The following TOX2 variants were observed in gnomAD, a reference collection of about 807,000 sequenced individuals.
The protein encoded by TOX2 is granulosa cell HMG box 1.
TOX2 carries 15 observed loss-of-function variants against 47.4 expected under a neutral mutation model. That is an observed-to-expected ratio of 0.32 (90% confidence interval 0.21 to 0.49). The LOEUF is 0.49. Among genes scored for constraint, TOX2 ranks in the 20% least tolerant of loss-of-function variants. The probability of loss-of-function intolerance (pLI) is 0.99; values close to 1 mark genes in which losing one functional copy is unlikely to be tolerated. For synonymous variants in TOX2, 290 were observed against 296.6 expected (o/e 0.98, Z 0.23); for missense variants, 622 against 673.1 (o/e 0.92, Z 0.84).
chr20:44,029,018 C>T (rs1006205306), intron 3 of TOX2, among the ~76,000 whole-genome samples: 15 of 152,172 alleles, frequency 9.9e-5, no homozygotes, highest in Admixed American at 1.3e-4. Flanking sequence ...AGACCAAGTC[C>T]TCATCCCCTT....
chr20:43,984,070 T>C (rs1001199891), intron 2 of TOX2, among the ~76,000 whole-genome samples: 1 of 152,334 alleles, frequency 6.6e-6, no homozygotes, highest in Admixed American at 6.5e-5. Flanking sequence ...GCGATTCATA[T>C]TAAAATGAAA....
rs143514852 is a variant in TOX2, at chr20:43,963,819, A to C, written c.100-9548A>C. Among the ~76,000 whole-genome samples the C allele has an allele frequency of 3.3e-5, 5 of 152,348 alleles. No individual in the cohort carries two copies. The East Asian group carries it at 9.6e-4, about 29-fold the overall frequency. On this transcript the variant is annotated intron_variant, in intron 1 of 8. Transcript: ENST00000341197. ...ATTTGCAAATTTTATTTCAAATTAC[A>C]TACAGTGGGCACAGGCATCGAGGGT...
rs749689205 is a variant in TOX2 at position 44,006,553 on chromosome 20, A to G, written c.172A>G (p.Asn58Asp). Reference sequence around the variant, plus strand: ...TGTCTTTTTGATGTTTTAGACCTACAACGGCCAGAGCGAGAACAACGAAGA... The same window carrying G: ...TGTCTTTTTGATGTTTTAGACCTACGACGGCCAGAGCGAGAACAACGAAGA... ...PELLSTSQTY[N>D]GQSENNEDYE... The change falls in exon 3 of 9, where the codon AAC becomes GAC. Residue 58 changes from asparagine (N) to aspartate (D), a missense_variant. Transcript: ENST00000341197. 1 of 1,612,500 alleles carries G rather than the reference A, an allele frequency of 6.2e-7. No individual in the cohort carries two copies. Among genetic ancestry groups the G allele is most frequent in the South Asian group, 1.1e-5 (1 of 90,998 alleles).
chr20:43,998,757 A>G (rs1341206114), intron 2 of TOX2, among the ~76,000 whole-genome samples: 3 of 149,574 alleles, frequency 2.0e-5, no homozygotes, highest in African/African-American at 4.9e-5. Flanking sequence ...CTATCTATCT[A>G]TCTATCTATC....
intron 2 of TOX2, among the ~76,000 whole-genome samples, chr20:43,999,160 T>C (rs2070533400): frequency 6.6e-6 from 1 of 152,226 alleles, no homozygotes; most frequent in Non-Finnish European, 1.5e-5. Flanking sequence ...TGTCTTTTAA[T>C]AAAGCAATTG....
chr20:43,924,674 A>G (rs1434797883), intron 1 of TOX2, among the ~76,000 whole-genome samples: 4 of 152,232 alleles, frequency 2.6e-5, no homozygotes, highest in African/African-American at 4.8e-5. Flanking sequence ...TAGCCATAAC[A>G]TAGGCTGCTG....
chr20:44,068,288 A>G (rs2071869599), intron 8 of TOX2, among the ~76,000 whole-genome samples: 1 of 152,128 alleles, frequency 6.6e-6, no homozygotes, highest in Non-Finnish European at 1.5e-5. Context: ...CGTATTTTAA[A>G]AACATAAAAA....
At chr20:43,976,217 T>C (rs148674161) in intron 2 of TOX2, among the ~76,000 whole-genome samples, 78 of 152,330 alleles carry the variant, frequency 5.1e-4, no homozygotes, top group African/African-American at 1.8e-3. Context: ...ATTTTGTGGG[T>C]CAGCAGTTTA....
At chr20:43,925,801 A>G (rs565065923) in intron 1 of TOX2, among the ~76,000 whole-genome samples, 2 of 152,208 alleles carry the variant, frequency 1.3e-5, no homozygotes, top group Non-Finnish European at 2.9e-5. Flanking sequence ...CCTAAGAACT[A>G]TGCTGGGCAC....
At chr20:43,933,720 G>T (rs6103520) in intron 1 of TOX2, among the ~76,000 whole-genome samples, 12,930 of 152,216 alleles carry the variant, frequency 0.085, 1,239 homozygotes, top group African/African-American at 0.23. Flanking sequence ...GCCATGGGCT[G>T]CCCAGGACAG....
At chr20:43,957,927 C>T (rs373144613) in intron 1 of TOX2, among the ~76,000 whole-genome samples, 8 of 152,258 alleles carry the variant, frequency 5.3e-5, no homozygotes, top group East Asian at 1.9e-4. Flanking sequence ...CTCACTATCA[C>T]GAGAACAGCA....
chr20:43,981,811 T>C (rs897532118), intron 2 of TOX2, among the ~76,000 whole-genome samples: 3 of 152,104 alleles, frequency 2.0e-5, no homozygotes, highest in Admixed American at 1.3e-4. Flanking sequence ...CATGGGCAGA[T>C]TGAGAAGCGT....
At chr20:44,014,874 G>C (rs902052392) in intron 3 of TOX2, among the ~76,000 whole-genome samples, 1 of 152,132 alleles carries the variant, frequency 6.6e-6, no homozygotes, top group Non-Finnish European at 1.5e-5. Context: ...CCAGCTGGGG[G>C]ACAGGCAGGG....
intron 3 of TOX2, among the ~76,000 whole-genome samples, chr20:44,048,965 C>T (rs948678891): frequency 5.3e-5 from 8 of 152,164 alleles, no homozygotes; most frequent in South Asian, 2.1e-4. Context: ...GGCGAAACCC[C>T]GTCTCGCTCT....
chr20:44,036,900 G>A (rs113363434), intron 3 of TOX2, among the ~76,000 whole-genome samples: 2,871 of 152,302 alleles, frequency 0.019, 78 homozygotes, highest in African/African-American at 0.065. Flanking sequence ...GTCCTTGGAG[G>A]CTCCCTCCTG....
At chr20:43,966,679 G>C (rs572398246) in intron 1 of TOX2, among the ~76,000 whole-genome samples, 70 of 151,990 alleles carry the variant, frequency 4.6e-4, no homozygotes, top group African/African-American at 1.6e-3. Flanking sequence ...ACTTGAACCT[G>C]GGAGGTGGAG....
At chr20:44,029,188 T>C (rs1257385279) in intron 3 of TOX2, among the ~76,000 whole-genome samples, 2 of 152,248 alleles carry the variant, frequency 1.3e-5, no homozygotes, top group African/African-American at 4.8e-5. Context: ...GTTCTGTGGT[T>C]TGTCATTGTT....
At chr20:43,949,846 C>T (rs1175912020) in intron 1 of TOX2, among the ~76,000 whole-genome samples, 1 of 152,190 alleles carries the variant, frequency 6.6e-6, no homozygotes, top group African/African-American at 2.4e-5. Context: ...GGGAGGACAT[C>T]ACCCACGATG....
At chr20:44,053,283 C>T (rs1303353862) in intron 4 of TOX2, among the ~76,000 whole-genome samples, 1 of 152,142 alleles carries the variant, frequency 6.6e-6, no homozygotes, top group African/African-American at 2.4e-5. Context: ...GACGCAGTAA[C>T]AGTCGCTTTA....
Sources: allele counts gnomAD v4.1 joint callset (sites outside exome capture counted in the v4.1 genomes callset), GRCh38; gene constraint gnomAD v4.1.1; transcripts MANE v1.5; gene names NCBI Gene and HGNC (gene_info 2026-07-23, HGNC 2026-07-21).